Variants in KHDRBS2 observed in about 807,000 individuals in gnomAD.
KHDRBS2 encodes the protein KH RNA binding domain containing, signal transduction associated 2.
Under a neutral mutation model 44.3 loss-of-function variants are expected in KHDRBS2, and 26 were observed. That is an observed-to-expected ratio of 0.59 (90% CI 0.43 to 0.81). The LOEUF is 0.81. KHDRBS2 is among the 40% of genes least tolerant of loss of function. The probability of loss-of-function intolerance (pLI) is 0.00; values close to 1 mark genes in which losing one functional copy is unlikely to be tolerated. For synonymous variants in KHDRBS2, 194 were observed against 151.1 expected (o/e 1.28, Z -2.08); for missense variants, 476 against 433.1 (o/e 1.10, Z -0.88).
chr6:62,162,330 A>G (rs1041855048), intron 2 of KHDRBS2, among the ~76,000 whole-genome samples: 9 of 152,022 alleles, frequency 5.9e-5, no homozygotes, highest in Admixed American at 1.3e-4. Context: ...TATTACTTTT[A>G]AAGAACAGTT....
At chr6:62,050,255 C>A (rs1584367217) in intron 2 of KHDRBS2, among the ~76,000 whole-genome samples, 1 of 151,794 alleles carries the variant, frequency 6.6e-6, no homozygotes, top group Non-Finnish European at 1.5e-5. Flanking sequence ...AGAATACATG[C>A]ACGCAGGGAG....
At chr6:61,776,812 C>T (rs1158735108) in intron 6 of KHDRBS2, among the ~76,000 whole-genome samples, 1 of 152,122 alleles carries the variant, frequency 6.6e-6, no homozygotes, top group Non-Finnish European at 1.5e-5. Context: ...GACTATAAAT[C>T]GTGCTGCTAT....
chr6:61,875,388 G>A (rs995770875), intron 6 of KHDRBS2, among the ~76,000 whole-genome samples: 2 of 152,028 alleles, frequency 1.3e-5, no homozygotes, highest in African/African-American at 4.8e-5. Context: ...CAGTTCCAGG[G>A]TAAACAAAAA....
intron 1 of KHDRBS2, among the ~76,000 whole-genome samples, chr6:62,218,442 C>G (rs1317358693): frequency 6.6e-6 from 1 of 151,280 alleles, no homozygotes; most frequent in Non-Finnish European, 1.5e-5. Context: ...TGAACAGAAC[C>G]AACACAAACA....
intron 3 of KHDRBS2, among the ~76,000 whole-genome samples, chr6:62,025,790 T>G (rs1409448198): frequency 6.6e-6 from 1 of 152,112 alleles, no homozygotes; most frequent in Non-Finnish European, 1.5e-5. Context: ...CCAGACATTT[T>G]TTCCTGTGGT....
At chr6:62,221,260 G>T (rs1830847633) in intron 1 of KHDRBS2, among the ~76,000 whole-genome samples, 1 of 152,020 alleles carries the variant, frequency 6.6e-6, no homozygotes. Flanking sequence ...AAATTAAAAG[G>T]TTGAATATAC....
intron 7 of KHDRBS2, among the ~76,000 whole-genome samples, chr6:61,710,760 A>G (rs1770364772): frequency 1.4e-5 from 2 of 139,870 alleles, no homozygotes; most frequent in African/African-American, 2.7e-5. Context: ...CTCTGCTCAT[A>G]CCTTCAGGTA....
At chr6:61,595,079 G>A in the KHDRBS2 span, among the ~76,000 whole-genome samples, 2 of 152,020 alleles carry the variant, frequency 1.3e-5, no homozygotes, top group Admixed American at 1.3e-4. Flanking sequence ...TTACTCAAAG[G>A]AGGTACCACA....
intron 4 of KHDRBS2, among the ~76,000 whole-genome samples, chr6:61,963,729 G>A (rs923167307): frequency 6.6e-6 from 1 of 151,994 alleles, no homozygotes; most frequent in Non-Finnish European, 1.5e-5. Context: ...CACATAGCCG[G>A]CAGGATTTTA....
chr6:61,729,153 A>C (rs1181464048), intron 7 of KHDRBS2, among the ~76,000 whole-genome samples: 1 of 152,190 alleles, frequency 6.6e-6, no homozygotes, highest in African/African-American at 2.4e-5. Context: ...AGCCATAAAA[A>C]AGAATGAGAT....
intron 6 of KHDRBS2, among the ~76,000 whole-genome samples, chr6:61,892,007 G>C (rs1583360930): frequency 6.6e-6 from 1 of 152,122 alleles, no homozygotes; most frequent in African/African-American, 2.4e-5. Flanking sequence ...AAACCCCATT[G>C]TCTCAGTCCA....
At chr6:61,556,614 C>A in the KHDRBS2 span, among the ~76,000 whole-genome samples, 1 of 152,048 alleles carries the variant, frequency 6.6e-6, no homozygotes, top group South Asian at 2.1e-4. Flanking sequence ...AAAAAAGAAC[C>A]TAATTCAGCT....
chr6:62,005,372 A>T (rs1779024102), intron 3 of KHDRBS2, among the ~76,000 whole-genome samples: 1 of 152,030 alleles, frequency 6.6e-6, no homozygotes, highest in South Asian at 2.1e-4. Flanking sequence ...ATTATTTTGA[A>T]GCCACTGCAA....
intron 7 of KHDRBS2, among the ~76,000 whole-genome samples, chr6:61,710,261 T>C (rs1352175019): frequency 6.6e-6 from 1 of 151,724 alleles, no homozygotes; most frequent in Non-Finnish European, 1.5e-5. Context: ...TTTTTACTGT[T>C]TTGTGATTAG....
chr6:62,239,029 G>C lies in KHDRBS2; in HGVS notation c.91+46829C>G, dbSNP rs114732153. ...TGTTATGAAAGACAAAGATGTTAGG[G>C]ATTAAAGAGACATGACAACCCAATG... On this transcript the variant is annotated intron_variant, in intron 1 of 8. Transcript: ENST00000281156. 4.4e-3 allele frequency among the ~76,000 whole-genome samples: 667 copies of C among 152,228 alleles called. 4 individuals are homozygous for C. Among genetic ancestry groups the C allele is most frequent in the Middle Eastern group, 0.017 (5 of 294 alleles).
In KHDRBS2 at chr6:62,117,162, G is replaced by T. The variant is rs572874292; in HGVS notation, c.219+60023C>A. Among the ~76,000 whole-genome samples the T allele has an allele frequency of 6.5e-3, 979 of 151,314 alleles. 5 individuals are homozygous for T. The highest frequency in any genetic ancestry group is 0.01 in the Non-Finnish European group (683 of 67,826). On this transcript the variant is annotated intron_variant, in intron 2 of 8. Coordinates refer to ENST00000281156, the MANE Select transcript of KHDRBS2 (RefSeq NM_152688.4). ...GGTAAATCTAGTTTTATTTTTTTTT[G>T]AGGATCCTCCACTCTGTTTTCCATA...
chr6:61,850,070 G>T (rs1165603908), intron 6 of KHDRBS2, among the ~76,000 whole-genome samples: 1 of 151,992 alleles, frequency 6.6e-6, no homozygotes, highest in Non-Finnish European at 1.5e-5. Flanking sequence ...CAAAGATGTG[G>T]GTTAACTCTA....
the KHDRBS2 span, among the ~76,000 whole-genome samples, chr6:61,617,772 T>A: frequency 6.6e-6 from 1 of 152,158 alleles, no homozygotes; most frequent in South Asian, 2.1e-4. Context: ...TAAAATTGAA[T>A]TTATGTGAAG....
At chr6:62,107,308 C>T (rs977839812) in intron 2 of KHDRBS2, among the ~76,000 whole-genome samples, 59 of 152,108 alleles carry the variant, frequency 3.9e-4, no homozygotes, top group Admixed American at 3.3e-4. Flanking sequence ...AACAGACAAA[C>T]AGAGAGCCAA....
Sources: gnomAD v4.1 joint callset for allele counts (sites outside exome capture counted in the v4.1 genomes callset) on GRCh38, gnomAD v4.1.1 for gene constraint, MANE v1.5 for transcripts, NCBI Gene and HGNC (gene_info 2026-07-23, HGNC 2026-07-21) for gene names.